The following GSE1 variants were observed in gnomAD, a reference collection of about 807,000 sequenced individuals.
GSE1 encodes the protein Gse1 coiled-coil protein, also known as genetic suppressor element 1.
Under a neutral mutation model 112.6 loss-of-function variants are expected in GSE1, and 32 were observed. The observed-to-expected ratio is 0.28, with a 90% confidence interval of 0.21 to 0.38. GSE1 has a LOEUF of 0.38. Among genes scored for constraint, GSE1 ranks in the 10% least tolerant of loss-of-function variants. The pLI, the probability that GSE1 is intolerant of heterozygous loss-of-function variation, is 1.00. For synonymous variants in GSE1, 1,115 were observed against 735.6 expected, an observed-to-expected ratio of 1.52 and a Z score of -8.35; for missense variants, 2,348 against 1,699.2, an observed-to-expected ratio of 1.38 and a Z score of -6.71.
chr16:85,171,955 AGT>A (rs1405894164), intron 1 of GSE1: 2 of 339,870 alleles, frequency 5.9e-6, no homozygotes, highest in African/African-American at 4.4e-5. Flanking sequence ...ACCCTCCCTG[AGT>A]CACTGGGCTG....
chr16:85,658,267 C>G (rs1334440081), intron 8 of GSE1, among the ~76,000 whole-genome samples: 1 of 152,170 alleles, frequency 6.6e-6, no homozygotes, highest in African/African-American at 2.4e-5. Context: ...AGGGCTCACT[C>G]TGAAGGGCTG....
chr16:85,560,392 G>A (rs2045463386), intron 1 of GSE1, among the ~76,000 whole-genome samples: 1 of 151,990 alleles, frequency 6.6e-6, no homozygotes, highest in African/African-American at 2.4e-5. Context: ...CAAAGTGCTG[G>A]GATTACAGGT....
At chr16:85,326,524 A>G (rs2046231306) in intron 1 of GSE1, among the ~76,000 whole-genome samples, 3 of 152,322 alleles carry the variant, frequency 2.0e-5, no homozygotes, top group South Asian at 4.1e-4. Flanking sequence ...TCTTGTGATC[A>G]TGAGTTTGGC....
chr16:85,554,690 C>T (rs533164640), upstream of GSE1, among the ~76,000 whole-genome samples: 334 of 152,218 alleles, frequency 2.2e-3, 1 homozygote, highest in Non-Finnish European at 4.4e-3. Flanking sequence ...CAAAAGGCGG[C>T]CCCGAGTCTC....
chr16:85,488,386 G>A (rs1273618169), intron 2 of GSE1, among the ~76,000 whole-genome samples: 1 of 152,190 alleles, frequency 6.6e-6, no homozygotes, highest in African/African-American at 2.4e-5. Flanking sequence ...ATCTGTGGTT[G>A]TCGCACATTC....
Position 85,656,388 on chromosome 16 carries a change from C to T in GSE1, c.1035C>T (p.Arg345=), listed in dbSNP as rs374136142. ...EELRRERERE[R]EREREREADR... ...TAAGGCGGGAGAGGGAGCGCGAGCG[C>T]GAGCGCGAGCGTGAGCGTGAGGCTG... is the stretch of plus-strand genomic sequence containing the variant. Residue 345 remains arginine, a synonymous_variant, in exon 7 of 16, where the codon CGC becomes CGT. Coordinates refer to ENST00000253458, the MANE Select transcript of GSE1 (RefSeq NM_014615.5). 45 of 1,560,072 alleles carry T rather than the reference C, an allele frequency of 2.9e-5. No homozygotes were observed. The highest frequency in any genetic ancestry group is 8.9e-5 in the Admixed American group (5 of 56,206).
intron 2 of GSE1, among the ~76,000 whole-genome samples, chr16:85,402,590 G>A (rs1011763196): frequency 5.9e-5 from 9 of 152,174 alleles, no homozygotes; most frequent in African/African-American, 1.7e-4. Context: ...TGTCGGGAGC[G>A]CGGCGCTGGG....
intron 2 of GSE1, among the ~76,000 whole-genome samples, chr16:85,359,820 A>G (rs2151576428): frequency 6.6e-6 from 1 of 152,200 alleles, no homozygotes; most frequent in South Asian, 2.1e-4. Context: ...TGGGAGGCCG[A>G]GGAGTTTGAG....
At chr16:85,472,861 G>T (rs1231736180) in intron 2 of GSE1, among the ~76,000 whole-genome samples, 1 of 152,252 alleles carries the variant, frequency 6.6e-6, no homozygotes, top group Non-Finnish European at 1.5e-5. Flanking sequence ...GTGGCAGGGG[G>T]CAGGGGCTGC....
intron 2 of GSE1, among the ~76,000 whole-genome samples, chr16:85,529,205 A>T (rs987003000): frequency 6.6e-6 from 1 of 152,076 alleles, no homozygotes; most frequent in Admixed American, 6.6e-5. Flanking sequence ...TGGGGGTGTC[A>T]AGCCGCCAGG....
intron 3 of GSE1, among the ~76,000 whole-genome samples, chr16:85,651,871 G>A (rs769201220): frequency 6.6e-6 from 1 of 152,230 alleles, no homozygotes; most frequent in Non-Finnish European, 1.5e-5. Context: ...GTTCATTGGG[G>A]TGCTACTTGG....
At chr16:85,421,268 T>C (rs1234456890) in intron 2 of GSE1, among the ~76,000 whole-genome samples, 1 of 149,216 alleles carries the variant, frequency 6.7e-6, no homozygotes, top group Non-Finnish European at 1.5e-5. Flanking sequence ...CCTGGGGGGG[T>C]CTCTCGGGCC....
intron 1 of GSE1, among the ~76,000 whole-genome samples, chr16:85,303,900 C>T (rs541644713): frequency 2.0e-5 from 3 of 152,336 alleles, no homozygotes; most frequent in South Asian, 4.1e-4. Flanking sequence ...GTCCCGGGGA[C>T]GCCCCGGCCA....
intron 1 of GSE1, among the ~76,000 whole-genome samples, chr16:85,277,317 G>T (rs1252580103): frequency 3.9e-5 from 6 of 152,208 alleles, no homozygotes; most frequent in South Asian, 2.1e-4. Flanking sequence ...TGTGAGAGTT[G>T]GGGTGCCTTG....
chr16:85,642,806 C>T (rs1223551281), intron 2 of GSE1, among the ~76,000 whole-genome samples: 1 of 152,140 alleles, frequency 6.6e-6, no homozygotes, highest in African/African-American at 2.4e-5. Context: ...GAGCCGAGCT[C>T]GGCTGGGGAG....
chr16:85,172,526 C>T (rs12927356), intron 1 of GSE1, among the ~76,000 whole-genome samples: 1,709 of 152,326 alleles, frequency 0.011, 12 homozygotes, highest in Non-Finnish European at 0.018. Context: ...AGGAGCCAGA[C>T]GGGGCTCAGT....
chr16:85,659,262 C>T (rs1460440716), intron 8 of GSE1: 3 of 152,296 alleles, frequency 2.0e-5, no homozygotes, highest in African/African-American at 7.2e-5. Context: ...TGAGCCCGGC[C>T]GTGTGCCTGC....
chr16:85,672,063 G>C, intron 15 of GSE1: 2 of 278,422 alleles, frequency 7.2e-6, no homozygotes, highest in Non-Finnish European at 1.5e-5. Context: ...CAGTGGCGCA[G>C]TCTCGGCTCA....
chr16:85,272,617 T>A lies in GSE1; in HGVS notation c.2284-84846T>A, dbSNP rs1908952056. On this transcript the variant is annotated intron_variant, in intron 1 of 2. Transcript: ENST00000637419. ...TGGCCCTTTCTGGAGAAGCCACGGG[T>A]GTGCGGGGAGCCTGGGCTGACTGTG... Among the ~76,000 whole-genome samples the A allele has an allele frequency of 3.3e-5, 5 of 151,930 alleles. No homozygotes were observed. The South Asian group carries it at 1.0e-3, about 32-fold the overall frequency.
Sources: allele counts gnomAD v4.1 joint callset (sites outside exome capture counted in the v4.1 genomes callset), GRCh38; gene constraint gnomAD v4.1.1; transcripts MANE v1.5; gene names NCBI Gene and HGNC (gene_info 2026-07-23, HGNC 2026-07-21).